VPS13A: variants seen among roughly 807,000 people sequenced by gnomAD.
The protein encoded by VPS13A is vacuolar protein sorting 13 homolog A.
In VPS13A, 264 loss-of-function variants were observed where a neutral mutation model predicts 390.9. That is an observed-to-expected ratio of 0.68 (90% CI 0.61 to 0.75). The LOEUF is 0.75. VPS13A is among the 30% of genes least tolerant of loss of function. VPS13A has a pLI of 0.00. For missense variants in VPS13A, 3,409 were observed against 3,733.9 expected, an observed-to-expected ratio of 0.91 and a Z score of 2.27; for synonymous variants, 1,231 against 1,227.1, an observed-to-expected ratio of 1.00 and a Z score of -0.07.
Position 77,255,874 on chromosome 9 carries a change from A to G in VPS13A, c.2288+3522A>G, listed in dbSNP as rs527361330. On this transcript the variant is annotated intron_variant, in intron 22 of 71. Transcript: ENST00000360280. The stretch of plus-strand genomic sequence containing the variant: ...GTTACCACTTTCATTTCTGATTTAA[A>G]TTGAGTCTTTTCTGTTTTTTTCTCA... Among the ~76,000 whole-genome samples the G allele has an allele frequency of 1.9e-3, 282 of 152,118 alleles. 2 individuals are homozygous for G. The highest frequency in any genetic ancestry group is 6.0e-3 in the African/African-American group (249 of 41,552).
chr9:77,239,221 T>C (rs1408074715), intron 19 of VPS13A, among the ~76,000 whole-genome samples: 2 of 152,052 alleles, frequency 1.3e-5, no homozygotes, highest in Non-Finnish European at 2.9e-5. Flanking sequence ...CTCACACCTT[T>C]GATCCCAGCA....
chr9:77,403,579 C>T (rs1834475929), intron 69 of VPS13A, among the ~76,000 whole-genome samples: 1 of 152,160 alleles, frequency 6.6e-6, no homozygotes, highest in South Asian at 2.1e-4. Flanking sequence ...GCAGAAATTC[C>T]ATAAAGCTAT....
chr9:77,363,890 C>T (rs1460840724), intron 59 of VPS13A, among the ~76,000 whole-genome samples: 1 of 152,134 alleles, frequency 6.6e-6, no homozygotes, highest in East Asian at 1.9e-4. Flanking sequence ...TAAACCAGGC[C>T]TCTGAAGCTG....
intron 23 of VPS13A, among the ~76,000 whole-genome samples, chr9:77,262,988 A>G (rs1162154123): frequency 6.6e-6 from 1 of 152,168 alleles, no homozygotes; most frequent in East Asian, 1.9e-4. Flanking sequence ...TTCTGGTTCT[A>G]GATCCTTGAG....
chr9:77,293,396 A>G lies in VPS13A; in HGVS notation c.3395A>G (p.Asp1132Gly). ...VFSFKMVSYMDATAGSAYTDM... is the reference protein window; with the variant it reads ...VFSFKMVSYMGATAGSAYTDM... Reference sequence around the variant, plus strand: ...AGCTTCAAAATGGTTTCTTACATGGATGCAACTGCTGGTTCTGCATACACA... The same window carrying G: ...AGCTTCAAAATGGTTTCTTACATGGGTGCAACTGCTGGTTCTGCATACACA... The change falls in exon 32 of 72, where the codon GAT becomes GGT. Residue 1132 changes from aspartate to glycine, a missense_variant. This residue lies in a region of VPS13A where 2,717 missense variants were observed against 2,917.4 expected (regional missense o/e 0.93). Transcript: ENST00000360280. 6.2e-7 allele frequency: 1 copy of G among 1,613,414 alleles called. No individual in the cohort carries two copies.
At chr9:77,209,394 T>C in intron 5 of VPS13A, 29 bp from the exon 6 acceptor site, 2 of 1,494,624 alleles carry the variant, frequency 1.3e-6, no homozygotes, top group Non-Finnish European at 1.9e-6. Flanking sequence ...TTTCATTCAA[T>C]TTTAAAAAAG....
In VPS13A at chr9:77,283,740, A is replaced by G; in HGVS notation, c.3339+90A>G. ...TAGGTATCATTTGGACATTTGTCAG[A>G]ATTTAGTAGTATGGCTTATTATGTG... On this transcript the variant is annotated intron_variant, in intron 31 of 71. Transcript: ENST00000360280. The G allele has an allele frequency of 2.7e-6, 3 of 1,098,822 alleles. 1 individual carries two copies. In the Admixed American group the frequency reaches 6.4e-5, roughly 24 times the overall value. The allele number at this position is 1,098,822 out of a possible 1,614,324, so 68.1% of individuals were successfully genotyped here.
At chr9:77,256,411 G>A (rs974648070) in intron 22 of VPS13A, among the ~76,000 whole-genome samples, 10 of 151,948 alleles carry the variant, frequency 6.6e-5, no homozygotes, top group African/African-American at 1.9e-4. Context: ...TTTACCTGAC[G>A]TATAATCTGT....
At chr9:77,179,822 C>A (rs1324251537) in intron 1 of VPS13A, among the ~76,000 whole-genome samples, 1 of 151,826 alleles carries the variant, frequency 6.6e-6, no homozygotes, top group Non-Finnish European at 1.5e-5. Flanking sequence ...TATTTCAGCA[C>A]CCCAAAATTA....
intron 17 of VPS13A, among the ~76,000 whole-genome samples, chr9:77,235,518 T>G (rs1026345012): frequency 6.6e-6 from 1 of 152,214 alleles, no homozygotes; most frequent in African/African-American, 2.4e-5. Flanking sequence ...TGTTGCTGTG[T>G]GAGTCTCTGA....
At chr9:77,284,739 T>C (rs954225110) in intron 31 of VPS13A, among the ~76,000 whole-genome samples, 1 of 152,138 alleles carries the variant, frequency 6.6e-6, no homozygotes, top group African/African-American at 2.4e-5. Flanking sequence ...AGTCTTGCTC[T>C]ATCACCCAGG....
intron 13 of VPS13A, among the ~76,000 whole-genome samples, chr9:77,224,444 G>C (rs968292120): frequency 6.6e-6 from 1 of 152,112 alleles, no homozygotes; most frequent in African/African-American, 2.4e-5. Context: ...ATCATGGGTG[G>C]AGGTCAAAAT....
chr9:77,381,863 ATGT>A (rs1833456491), intron 67 of VPS13A, 110 bp from the exon 68 acceptor site: 1 of 700,430 alleles, frequency 1.4e-6, no homozygotes, highest in Non-Finnish European at 2.4e-6. Flanking sequence ...AAATTAGAGA[ATGT>A]TGTAATATTT....
chr9:77,245,027 GA>G (rs1317680776), intron 19 of VPS13A, among the ~76,000 whole-genome samples: 3 of 152,164 alleles, frequency 2.0e-5, no homozygotes, highest in Non-Finnish European at 4.4e-5. Context: ...TGTAATGAGT[GA>G]GGGGAGAGTG....
At chr9:77,227,546 A>G in intron 16 of VPS13A, 61 bp downstream of exon 16, 1 of 1,322,522 alleles carries the variant, frequency 7.6e-7, no homozygotes, top group Non-Finnish European at 1.1e-6. Flanking sequence ...GTTTAGAGAC[A>G]GGGTCTCACT....
chr9:77,308,358 T>C (rs1192297008), intron 35 of VPS13A, among the ~76,000 whole-genome samples: 1 of 152,138 alleles, frequency 6.6e-6, no homozygotes, highest in Non-Finnish European at 1.5e-5. Context: ...TGAATGAAAG[T>C]TCCTAGTTCT....
At chr9:77,337,169 A>G (rs987161003) in intron 46 of VPS13A, 86 bp from the exon 47 acceptor site, 4 of 1,242,974 alleles carry the variant, frequency 3.2e-6, no homozygotes, top group Non-Finnish European at 4.5e-6. Context: ...GAAAGGAGGT[A>G]AGTTTGTTAT....
chr9:77,353,197 A>G lies in VPS13A; in HGVS notation c.7420-212A>G, dbSNP rs114181170. Among the ~76,000 whole-genome samples, 2,326 of 152,192 alleles carry G rather than the reference A, an allele frequency of 0.015. 58 individuals are homozygous for G. Among genetic ancestry groups the G allele is most frequent in the African/African-American group, 0.053 (2,204 of 41,542 alleles). On this transcript the variant is annotated intron_variant, in intron 53 of 71. Coordinates refer to ENST00000360280, the MANE Select transcript of VPS13A (RefSeq NM_033305.3). ...AGTAAACAATTGGCCTGTCTTTATG[A>G]GTAATAATTTTATAACAGATAACAT...
chr9:77,282,651 G>A (rs1025147035), intron 29 of VPS13A, among the ~76,000 whole-genome samples: 10 of 152,100 alleles, frequency 6.6e-5, no homozygotes, highest in Non-Finnish European at 1.0e-4. Flanking sequence ...AGTATTGTCA[G>A]CTGGGTGCGG....
Sources: allele counts gnomAD v4.1 joint callset (sites outside exome capture counted in the v4.1 genomes callset), GRCh38; gene constraint gnomAD v4.1.1; regional missense constraint gnomAD v4.1.1; transcripts MANE v1.5; gene names NCBI Gene and HGNC (gene_info 2026-07-23, HGNC 2026-07-21).